The following GALNTL6 variants were observed in gnomAD, a reference collection of about 807,000 sequenced individuals.
GALNTL6 encodes the protein polypeptide N-acetylgalactosaminyltransferase like 6.
In GALNTL6, 46 loss-of-function variants were observed where a neutral mutation model predicts 73.7. The observed-to-expected ratio is 0.62, with a 90% CI of 0.49 to 0.80. The LOEUF (loss-of-function observed/expected upper bound fraction) is 0.80, where lower values mean the gene tolerates loss of function less well. Ranked by LOEUF, GALNTL6 falls within the 30% of genes least tolerant of loss-of-function variation. The pLI is 0.00. For missense variants in GALNTL6, 604 were observed against 755.0 expected (o/e 0.80, Z 2.34); for synonymous variants, 259 against 263.7 (o/e 0.98, Z 0.17).
At chr4:171,907,792 C>A (rs1308075918) in intron 2 of GALNTL6, among the ~76,000 whole-genome samples, 3 of 151,536 alleles carry the variant, frequency 2.0e-5, no homozygotes, top group African/African-American at 4.9e-5. Context: ...GTTACCAAAA[C>A]AGAGATATAG....
intron 5 of GALNTL6, among the ~76,000 whole-genome samples, chr4:172,607,082 A>G (rs1243401629): frequency 6.6e-6 from 1 of 152,066 alleles, no homozygotes; most frequent in Non-Finnish European, 1.5e-5. Context: ...ATTGATGTAT[A>G]AATGATATTT....
rs755536600 is a variant in GALNTL6 at position 172,233,180 on chromosome 4, G to A, written c.247+3416G>A. ...GCCCAGGAATTTGAAAGCAGCCTGGGAAACATAGCGAGACCTCATCTCTCC... is the reference window on the plus strand; with the variant it reads ...GCCCAGGAATTTGAAAGCAGCCTGGAAAACATAGCGAGACCTCATCTCTCC... On this transcript the variant is annotated intron_variant, in intron 3 of 12. Transcript: ENST00000506823. Among the ~76,000 whole-genome samples, 6 of 132,218 alleles carry A rather than the reference G, an allele frequency of 4.5e-5. 1 individual carries two copies. The highest frequency in any genetic ancestry group is 1.7e-4 in the Admixed American group (2 of 11,784). 86.7% of individuals were successfully genotyped at this position (132,218 alleles called of 152,430 possible). A position where few individuals can be genotyped will look rare whatever the true frequency, so the allele number is the denominator to read the frequency against.
chr4:172,390,796 T>C (rs1224507601), intron 5 of GALNTL6, among the ~76,000 whole-genome samples: 7 of 152,180 alleles, frequency 4.6e-5, no homozygotes, highest in Non-Finnish European at 1.5e-5. Context: ...CTTTAATTAA[T>C]AGTGTTATAT....
intron 5 of GALNTL6, among the ~76,000 whole-genome samples, chr4:172,459,983 AC>A (rs1732553456): frequency 6.6e-6 from 1 of 152,236 alleles, no homozygotes; most frequent in African/African-American, 2.4e-5. Flanking sequence ...GTCTATAGTA[AC>A]AAAAACAGCA....
intron 8 of GALNTL6, among the ~76,000 whole-genome samples, chr4:172,903,389 A>G (rs1746726220): frequency 6.6e-6 from 1 of 152,208 alleles, no homozygotes. Context: ...ACTAATCAGC[A>G]ACCTGAACTG....
chr4:172,282,931 A>AC (rs1266603556), intron 3 of GALNTL6, among the ~76,000 whole-genome samples: 5 of 152,160 alleles, frequency 3.3e-5, no homozygotes, highest in African/African-American at 1.2e-4. Flanking sequence ...ATTTCTTAAG[A>AC]CAAGGAAGAA....
At chr4:172,230,456 G>A (rs1022688743) in intron 3 of GALNTL6, among the ~76,000 whole-genome samples, 5 of 151,644 alleles carry the variant, frequency 3.3e-5, no homozygotes, top group East Asian at 1.9e-4. Flanking sequence ...GTGTGGTGGC[G>A]GGCACCTGTA....
intron 2 of GALNTL6, among the ~76,000 whole-genome samples, chr4:172,085,903 ACACT>A (rs1732020014): frequency 6.6e-6 from 1 of 152,110 alleles, no homozygotes; most frequent in South Asian, 2.1e-4. Flanking sequence ...ACCTGACATC[ACACT>A]CAAATATCTA....
chr4:172,647,472 C>T (rs1192398058), intron 5 of GALNTL6, among the ~76,000 whole-genome samples: 2 of 151,996 alleles, frequency 1.3e-5, no homozygotes, highest in African/African-American at 4.8e-5. Context: ...GGTACATAAA[C>T]CTTTCTCTAC....
At chr4:172,700,958 G>A (rs780200172) in intron 5 of GALNTL6, among the ~76,000 whole-genome samples, 13 of 152,038 alleles carry the variant, frequency 8.6e-5, no homozygotes, top group Non-Finnish European at 1.5e-4. Context: ...GGAAAAAAAA[G>A]TGTTACATAT....
At chr4:172,972,181 G>A (rs1288722623) in intron 10 of GALNTL6, among the ~76,000 whole-genome samples, 1 of 152,088 alleles carries the variant, frequency 6.6e-6, no homozygotes, top group Non-Finnish European at 1.5e-5. Flanking sequence ...AGGAGAAACA[G>A]AAAGAAACAT....
At chr4:172,826,442 C>T (rs1742272699) in intron 7 of GALNTL6, among the ~76,000 whole-genome samples, 1 of 152,194 alleles carries the variant, frequency 6.6e-6, no homozygotes, top group African/African-American at 2.4e-5. Flanking sequence ...CATCTAATTC[C>T]TTCTACAAAA....
chr4:172,293,813 G>T (rs1739558781), intron 3 of GALNTL6, among the ~76,000 whole-genome samples: 1 of 151,082 alleles, frequency 6.6e-6, no homozygotes, highest in Non-Finnish European at 1.5e-5. Flanking sequence ...AGTAATCACA[G>T]CATAATACAT....
chr4:171,849,829 G>A (rs771134339), intron 2 of GALNTL6, among the ~76,000 whole-genome samples: 16 of 152,208 alleles, frequency 1.1e-4, no homozygotes, highest in Non-Finnish European at 2.1e-4. Context: ...TGGGGCAGGA[G>A]CTTTATGCTA....
intron 2 of GALNTL6, among the ~76,000 whole-genome samples, chr4:172,044,751 C>T (rs1742172335): frequency 6.6e-6 from 1 of 151,868 alleles, no homozygotes; most frequent in South Asian, 2.1e-4. Flanking sequence ...ACAATTGTAA[C>T]CTCAGACACT....
At chr4:172,257,859 A>G (rs1047887205) in intron 3 of GALNTL6, among the ~76,000 whole-genome samples, 5 of 151,458 alleles carry the variant, frequency 3.3e-5, no homozygotes, top group Admixed American at 6.6e-5. Context: ...TTAGTAATAT[A>G]TGTACTGTTG....
At position 172,501,885 on chromosome 4, in the gene GALNTL6, T is replaced by C. The variant is rs115818603; in HGVS notation, c.553+153196T>C. 3.4e-3 allele frequency among the ~76,000 whole-genome samples: 525 copies of C among 152,296 alleles called. 3 individuals are homozygous for C. The highest frequency in any genetic ancestry group is 0.011 in the South Asian group (54 of 4,828). Reference sequence around the variant, plus strand: ...GTGCATCTGAACACAGGTACAATTGTAGTTTCGATAAAAATTGCAGTCACT... The same window carrying C: ...GTGCATCTGAACACAGGTACAATTGCAGTTTCGATAAAAATTGCAGTCACT... On this transcript the variant is annotated intron_variant, in intron 5 of 12. Transcript: ENST00000506823.
At chr4:172,766,981 A>T (rs971963775) in intron 5 of GALNTL6, among the ~76,000 whole-genome samples, 2 of 152,180 alleles carry the variant, frequency 1.3e-5, no homozygotes, top group Non-Finnish European at 2.9e-5. Context: ...CTACTCAATG[A>T]TTTACATACT....
At chr4:172,564,276 T>G (rs2110933038) in intron 5 of GALNTL6, among the ~76,000 whole-genome samples, 1 of 152,322 alleles carries the variant, frequency 6.6e-6, no homozygotes, top group Non-Finnish European at 1.5e-5. Flanking sequence ...GCCCTATGCA[T>G]AGTCCAATCA....
Sources: gnomAD v4.1 joint callset for allele counts (sites outside exome capture counted in the v4.1 genomes callset) on GRCh38, gnomAD v4.1.1 for gene constraint, MANE v1.5 for transcripts, NCBI Gene and HGNC (gene_info 2026-07-23, HGNC 2026-07-21) for gene names.